Variants in NR4A3 observed in about 807,000 individuals in gnomAD.
NR4A3 encodes the protein chondrosarcoma, extraskeletal myxoid, fused to EWS.
A neutral mutation model predicts 55.6 loss-of-function variants in NR4A3; 13 were observed. That is an observed-to-expected ratio of 0.23 (90% CI 0.15 to 0.37). NR4A3 has a LOEUF of 0.37. Among genes scored for constraint, NR4A3 ranks in the 10% least tolerant of loss-of-function variants. The pLI is 1.00. For synonymous variants in NR4A3, 342 were observed against 357.9 expected, an observed-to-expected ratio of 0.96 and a Z score of 0.50; for missense variants, 646 against 822.8, an observed-to-expected ratio of 0.79 and a Z score of 2.63.
chr9:99,822,438 G>A lies in NR4A3; in HGVS notation c.-177+31G>A, dbSNP rs903200028. 6.6e-6 allele frequency: 1 copy of A among 152,394 alleles called. No individual in the cohort carries two copies. The highest frequency in any genetic ancestry group is 1.5e-5 in the Non-Finnish European group (1 of 68,120). The allele number at this position is 152,394 out of a possible 1,614,324, so 9.4% of individuals were successfully genotyped here. A position where few individuals can be genotyped will look rare whatever the true frequency, so the allele number is the denominator to read the frequency against. ...TATGAGATTCGCCCAGTTAATAAGGGGACTTGCTAAAAAAGTTGGCTTGCT... is the reference window on the plus strand; with the variant it reads ...TATGAGATTCGCCCAGTTAATAAGGAGACTTGCTAAAAAAGTTGGCTTGCT... On this transcript the variant is annotated intron_variant, in intron 1 of 7. Coordinates refer to ENST00000395097, the MANE Select transcript of NR4A3 (RefSeq NM_006981.4). This position sits in a 1 kb window ranked among gnomAD's most constrained non-coding sequence, Gnocchi z 4.9.
In NR4A3 at chr9:99,836,230, A is replaced by AACCT. The variant is rs778388036; in HGVS notation, c.1254+2776_1254+2777insACCT. Among the ~76,000 whole-genome samples the AACCT allele has an allele frequency of 3.3e-3, 499 of 152,326 alleles. 2 individuals are homozygous for AACCT. The highest frequency in any genetic ancestry group is 5.0e-3 in the Non-Finnish European group (337 of 68,016). ...GGTTGGAACAGGAAGGGCTGAAACC[A>AACCT]TCACAAAGAAAGTTAACAAAAATAA... On this transcript the variant is annotated intron_variant, in intron 5 of 7. Coordinates refer to ENST00000395097, the MANE Select transcript of NR4A3 (RefSeq NM_006981.4).
At chr9:99,830,192 G>A (rs186737590) in intron 3 of NR4A3, among the ~76,000 whole-genome samples, 1 of 152,296 alleles carries the variant, frequency 6.6e-6, no homozygotes, top group African/African-American at 2.4e-5. Context: ...GATTTGGGAG[G>A]CCAATAGGAT....
At chr9:99,858,780 A>G (rs537530166) in intron 7 of NR4A3, among the ~76,000 whole-genome samples, 1 of 152,344 alleles carries the variant, frequency 6.6e-6, no homozygotes. Context: ...TATTACTTAA[A>G]GATAATCTTT....
chr9:99,824,164 T>G lies in NR4A3; in HGVS notation c.-176-1495T>G, dbSNP rs115973145. On this transcript the variant is annotated intron_variant, in intron 1 of 7. Coordinates refer to ENST00000395097, the MANE Select transcript of NR4A3 (RefSeq NM_006981.4). ...AGGCTTTGCCTAGGTAACCGGCCGC[T>G]TGTGGGGTGGAGAGAGCGGCGGGGC... is the stretch of plus-strand genomic sequence containing the variant. Among the ~76,000 whole-genome samples the G allele has an allele frequency of 4.5e-3, 690 of 152,158 alleles. 7 individuals are homozygous for G. The highest frequency in any genetic ancestry group is 0.016 in the African/African-American group (653 of 41,558).
intron 6 of NR4A3, among the ~76,000 whole-genome samples, chr9:99,845,465 C>T (rs562899808): frequency 6.6e-6 from 1 of 152,272 alleles, no homozygotes; most frequent in South Asian, 2.1e-4. Flanking sequence ...TAGTAAGTTC[C>T]ACATGTAGAT....
Position 99,823,224 on chromosome 9 carries a change from G to T in NR4A3, c.-177+817G>T, listed in dbSNP as rs532417374. ...CTCGCGCTTTTGGAGAAGTTGCTCC[G>T]AGTGTTTTACTCTTAGTAGAAATGA... On this transcript the variant is annotated intron_variant, in intron 1 of 7. Coordinates refer to ENST00000395097, the MANE Select transcript of NR4A3 (RefSeq NM_006981.4). 2.0e-5 allele frequency among the ~76,000 whole-genome samples: 3 copies of T among 152,182 alleles called. No homozygotes were observed. The South Asian group carries it at 6.2e-4, about 32-fold the overall frequency.
chr9:99,859,320 C>A (rs1827974378), intron 7 of NR4A3, among the ~76,000 whole-genome samples: 1 of 152,108 alleles, frequency 6.6e-6, no homozygotes, highest in Non-Finnish European at 1.5e-5. Flanking sequence ...AAAGGAGATC[C>A]CTTTAACTAA....
intron 7 of NR4A3, among the ~76,000 whole-genome samples, chr9:99,849,173 A>G (rs972491649): frequency 6.6e-5 from 10 of 152,094 alleles, no homozygotes; most frequent in African/African-American, 2.4e-4. Context: ...GATATCTCCT[A>G]TTAGCTAAGG....
chr9:99,840,549 C>T (rs1336527068), intron 5 of NR4A3, among the ~76,000 whole-genome samples: 2 of 152,200 alleles, frequency 1.3e-5, no homozygotes, highest in African/African-American at 4.8e-5. Flanking sequence ...CAGGCAATAA[C>T]ATCATACCTG....
At chr9:99,834,006 G>T in intron 5 of NR4A3, 1 of 1,117,338 alleles carries the variant, frequency 8.9e-7, no homozygotes, top group East Asian at 4.7e-5. Flanking sequence ...CCTGGTTCCT[G>T]CTTTTGGCTC....
intron 3 of NR4A3, among the ~76,000 whole-genome samples, chr9:99,832,030 C>A (rs953546348): frequency 6.6e-6 from 1 of 151,812 alleles, no homozygotes; most frequent in African/African-American, 2.4e-5. Flanking sequence ...TTTTTGTTTT[C>A]TTCCTTGGAT....
Position 99,828,708 on chromosome 9 carries a change from C to A in NR4A3, c.666C>A (p.Ser222Arg), listed in dbSNP as rs575180948. 1.6e-5 allele frequency: 21 copies of A among 1,312,150 alleles called. No homozygotes were observed. The African/African-American group carries it at 3.1e-4, about 19-fold the overall frequency. 81.3% of individuals were successfully genotyped at this position (1,312,150 alleles called of 1,614,324 possible). A position where few individuals can be genotyped will look rare whatever the true frequency, so the allele number is the denominator to read the frequency against. Residue 222 changes from serine to arginine, a missense_variant, in exon 3 of 8, where the codon AGC (serine) becomes AGA (arginine). Physicochemically the swap from Ser to Arg is moderately radical, Grantham distance 110 (BLOSUM62 -1). Coordinates refer to ENST00000395097, the MANE Select transcript of NR4A3 (RefSeq NM_006981.4). The surrounding 1 kb of genome is among the most constrained non-coding windows in gnomAD (Gnocchi z 7.7). ...GYDPTAAAAL[S>R]LPLGAAAAAG... The stretch of plus-strand genomic sequence containing the variant: ...ACCCGACGGCCGCTGCCGCGCTCAG[C>A]CTGCCGCTGGGAGCCGCAGCCGCCG...
chr9:99,823,980 C>A (rs1426740721), intron 1 of NR4A3, among the ~76,000 whole-genome samples: 1 of 152,160 alleles, frequency 6.6e-6, no homozygotes, highest in Non-Finnish European at 1.5e-5. Context: ...CACTTCACCA[C>A]CGGGAGGGGA....
chr9:99,836,737 A>G (rs1175172123), intron 5 of NR4A3, among the ~76,000 whole-genome samples: 1 of 152,236 alleles, frequency 6.6e-6, no homozygotes, highest in Non-Finnish European at 1.5e-5. Flanking sequence ...TCATCAACAC[A>G]GGGAGTAATT....
At position 99,864,847 on chromosome 9, in the gene NR4A3, C is replaced by G. The variant is rs1412063881; in HGVS notation, c.*980C>G. On this transcript the variant is annotated 3_prime_UTR_variant, in exon 8 of 8. Coordinates refer to ENST00000395097, the MANE Select transcript of NR4A3 (RefSeq NM_006981.4). ...CATAAGTCAGTTGAGTATTTGATCC[C>G]TAGATAAGAACATGCAAATCAGCAG... 1.8e-5 allele frequency: 4 copies of G among 219,884 alleles called. No individual in the cohort carries two copies. Among genetic ancestry groups the G allele is most frequent in the Non-Finnish European group, 3.7e-5 (4 of 109,404 alleles). The allele number at this position is 219,884 out of a possible 1,614,324, so 13.6% of individuals were successfully genotyped here.
chr9:99,864,035 A>G lies in NR4A3; in HGVS notation c.*168A>G. 1.3e-6 allele frequency: 1 copy of G among 753,164 alleles called. No individual in the cohort carries two copies. The highest frequency in any genetic ancestry group is 2.1e-6 in the Non-Finnish European group (1 of 483,160). The allele number at this position is 753,164 out of a possible 1,614,324, so 46.7% of individuals were successfully genotyped here. A position where few individuals can be genotyped will look rare whatever the true frequency, so the allele number is the denominator to read the frequency against. ...TTTCTGGCTCTTTTCCTTACAACCTAAAGCCAGAAAACTTGCAGAGTATTG... is the reference window on the plus strand; with the variant it reads ...TTTCTGGCTCTTTTCCTTACAACCTGAAGCCAGAAAACTTGCAGAGTATTG... On this transcript the variant is annotated 3_prime_UTR_variant, in exon 8 of 8. Coordinates refer to ENST00000395097, the MANE Select transcript of NR4A3 (RefSeq NM_006981.4).
chr9:99,828,924 G>A lies in NR4A3; in HGVS notation c.882G>A (p.Val294=). The A allele has an allele frequency of 2.1e-6, 3 of 1,457,082 alleles. No homozygotes were observed. The highest frequency in any genetic ancestry group is 1.4e-5 in the African/African-American group (1 of 69,108). The allele number at this position is 1,457,082 out of a possible 1,614,324, so 90.3% of individuals were successfully genotyped here. A position where few individuals can be genotyped will look rare whatever the true frequency, so the allele number is the denominator to read the frequency against. The change falls in exon 3 of 8, where the codon GTG becomes GTA. Residue 294 remains valine, a synonymous_variant. Transcript: ENST00000395097. The surrounding 1 kb of genome is among the most constrained non-coding windows in gnomAD (Gnocchi z 7.7). ...SSSSGEGTCA[V]CGDNAACQHY... Reference sequence around the variant, plus strand: ...CGTCTGGCGAGGGCACGTGTGCCGTGTGCGGGGACAACGCCGCCTGCCAGC... The same window carrying A: ...CGTCTGGCGAGGGCACGTGTGCCGTATGCGGGGACAACGCCGCCTGCCAGC...
At position 99,847,412 on chromosome 9, in the gene NR4A3, T is replaced by A. The variant is rs541116369; in HGVS notation, c.1455-25T>A. ...GGACAGATTGAACAGACCTGTTTAA[T>A]GTTTGTCTTCCTCTCACCTCCCAGG... On this transcript the variant is annotated intron_variant, in intron 6 of 7. Transcript: ENST00000395097. 8.4e-5 allele frequency: 135 copies of A among 1,610,050 alleles called. No homozygotes were observed. In the South Asian group the frequency reaches 1.4e-3, roughly 17 times the overall value.
intron 6 of NR4A3, among the ~76,000 whole-genome samples, chr9:99,846,190 G>C (rs1827750191): frequency 6.6e-6 from 1 of 152,188 alleles, no homozygotes; most frequent in Non-Finnish European, 1.5e-5. Context: ...TACGTGGCAA[G>C]AGATTTGAAA....
Sources: allele counts gnomAD v4.1 joint callset (sites outside exome capture counted in the v4.1 genomes callset), GRCh38; gene constraint gnomAD v4.1.1; non-coding constraint Gnocchi (gnomAD v3.1); transcripts MANE v1.5; gene names NCBI Gene and HGNC (gene_info 2026-07-23, HGNC 2026-07-21).